The following XCR1 variants were observed in gnomAD, a reference collection of about 807,000 sequenced individuals.
XCR1 encodes the protein chemokine XC receptor 1.
For missense variants in XCR1, 356 were observed against 424.2 expected (o/e 0.84, Z 1.41); for synonymous variants, 187 against 188.5 (o/e 0.99, Z 0.06).
intron 5 of XCR1, among the ~76,000 whole-genome samples, chr3:46,052,412 G>A (rs1377871213): frequency 6.6e-6 from 1 of 152,184 alleles, no homozygotes; most frequent in African/African-American, 2.4e-5. Context: ...AATTTTGAGT[G>A]GCACTGATTA....
Position 46,054,867 on chromosome 3 carries a change from C to T in XCR1, c.-182-797G>A, listed in dbSNP as rs1182227280. ...TGGTTTGTGCTGGGAAGCATTGCCACCTGAATAAGAAGTGGTCCACAGACA... is the reference window on the plus strand; with the variant it reads ...TGGTTTGTGCTGGGAAGCATTGCCATCTGAATAAGAAGTGGTCCACAGACA... On this transcript the variant is annotated intron_variant, in intron 4 of 5. Transcript: ENST00000683768. 2.0e-5 allele frequency among the ~76,000 whole-genome samples: 3 copies of T among 152,136 alleles called. No homozygotes were observed. The East Asian group carries it at 5.8e-4, about 29-fold the overall frequency.
At chr3:46,036,140 G>A (rs1201835799) in intron 5 of XCR1, among the ~76,000 whole-genome samples, 3 of 152,214 alleles carry the variant, frequency 2.0e-5, no homozygotes, top group Admixed American at 6.5e-5. Flanking sequence ...ATCGGAGTTT[G>A]CTGTTGAATG....
At chr3:46,069,620 GTATGT>G (rs1384600364) in intron 3 of XCR1, among the ~76,000 whole-genome samples, 1 of 152,056 alleles carries the variant, frequency 6.6e-6, no homozygotes, top group East Asian at 1.9e-4. Context: ...TACATATTTT[GTATGT>G]TATATGTATT....
chr3:46,056,105 A>G (rs6773520), intron 4 of XCR1, among the ~76,000 whole-genome samples: 6 of 152,162 alleles, frequency 3.9e-5, no homozygotes, highest in Admixed American at 3.9e-4. Context: ...GCTGGCTGGG[A>G]CTGTCTTCCT....
At chr3:46,038,209 G>A (rs1038962174) in intron 5 of XCR1, among the ~76,000 whole-genome samples, 16 of 151,830 alleles carry the variant, frequency 1.1e-4, no homozygotes, top group African/African-American at 3.9e-4. Context: ...TGAGAGGTGG[G>A]GTTTCACTAT....
At chr3:46,064,225 A>C (rs928069362) in intron 4 of XCR1, among the ~76,000 whole-genome samples, 8 of 152,174 alleles carry the variant, frequency 5.3e-5, no homozygotes, top group African/African-American at 1.9e-4. Context: ...GACTGAACAC[A>C]TATCATGTGC....
chr3:46,035,534 A>T lies in XCR1; in HGVS notation c.-31-13556T>A, dbSNP rs142460378. Among the ~76,000 whole-genome samples the T allele has an allele frequency of 7.8e-3, 1,188 of 152,298 alleles. 15 individuals are homozygous for T. Among genetic ancestry groups the T allele is most frequent in the African/African-American group, 0.027 (1,137 of 41,564 alleles). On this transcript the variant is annotated intron_variant, in intron 5 of 5. Coordinates refer to the XCR1 transcript ENST00000683768. Reference sequence around the variant, plus strand: ...GCTCATTGCTCAGCTGCCATGGGCCAGGAGTCTCAAAAGCCCTCCTAAGCA... The same window carrying T: ...GCTCATTGCTCAGCTGCCATGGGCCTGGAGTCTCAAAAGCCCTCCTAAGCA...
At chr3:46,045,325 C>T (rs1469987022) in intron 5 of XCR1, among the ~76,000 whole-genome samples, 1 of 151,724 alleles carries the variant, frequency 6.6e-6, no homozygotes, top group Non-Finnish European at 1.5e-5. Flanking sequence ...CAGAGAATTG[C>T]TTGAACTCAG....
At chr3:46,054,662 G>A (rs889278754) in intron 4 of XCR1, among the ~76,000 whole-genome samples, 4 of 152,152 alleles carry the variant, frequency 2.6e-5, no homozygotes, top group African/African-American at 9.7e-5. Flanking sequence ...TACCAAGGAA[G>A]AAAGCTTTAA....
At chr3:46,073,384 C>A (rs1389493469) in intron 3 of XCR1, among the ~76,000 whole-genome samples, 1 of 152,150 alleles carries the variant, frequency 6.6e-6, no homozygotes, top group Admixed American at 6.5e-5. Context: ...CACTTGAGGC[C>A]TGGAGTTCCA....
intron 5 of XCR1, among the ~76,000 whole-genome samples, chr3:46,040,408 C>T (rs1697520336): frequency 6.6e-6 from 1 of 151,880 alleles, no homozygotes; most frequent in Admixed American, 6.6e-5. Context: ...TGTTAAATTC[C>T]CTGAAGTCCA....
At chr3:46,053,339 C>T (rs1697784486) in intron 5 of XCR1, among the ~76,000 whole-genome samples, 1 of 144,976 alleles carries the variant, frequency 6.9e-6, no homozygotes, top group Non-Finnish European at 1.5e-5. Context: ...AGCACGAGGT[C>T]CTAAGGGCTC....
intron 1 of XCR1, among the ~76,000 whole-genome samples, chr3:46,085,001 A>T (rs1698447821): frequency 6.6e-6 from 1 of 151,918 alleles, no homozygotes; most frequent in Non-Finnish European, 1.5e-5. Context: ...TGGATGGAGT[A>T]CTCCCCAAGG....
intron 4 of XCR1, among the ~76,000 whole-genome samples, chr3:46,055,871 G>C (rs561219377): frequency 2.0e-5 from 3 of 152,202 alleles, no homozygotes; most frequent in Admixed American, 2.0e-4. Context: ...ATGAAGAAGA[G>C]ACAATCAATA....
chr3:46,053,035 G>A (rs1006672846), intron 5 of XCR1, among the ~76,000 whole-genome samples: 7 of 152,158 alleles, frequency 4.6e-5, no homozygotes, highest in African/African-American at 1.2e-4. Flanking sequence ...TAATGTCTCC[G>A]TTTCCAGCAG....
intron 5 of XCR1, among the ~76,000 whole-genome samples, chr3:46,053,569 T>C (rs1697791855): frequency 6.6e-6 from 1 of 152,124 alleles, no homozygotes. Flanking sequence ...AATAAGGAGA[T>C]AATGGCAGAA....
At chr3:46,051,385 A>G (rs1697740237) in intron 5 of XCR1, among the ~76,000 whole-genome samples, 1 of 152,244 alleles carries the variant, frequency 6.6e-6, no homozygotes, top group African/African-American at 2.4e-5. Flanking sequence ...AAGACAAGGT[A>G]AAATCTCAGC....
At chr3:46,052,868 G>A (rs1336695430) in intron 5 of XCR1, among the ~76,000 whole-genome samples, 8 of 152,196 alleles carry the variant, frequency 5.3e-5, no homozygotes, top group Non-Finnish European at 1.2e-4. Flanking sequence ...CGACCCTTGC[G>A]TGATATGTAA....
At chr3:46,078,109 C>T (rs577640741) in intron 1 of XCR1, among the ~76,000 whole-genome samples, 1 of 152,292 alleles carries the variant, frequency 6.6e-6, no homozygotes, top group South Asian at 2.1e-4. Flanking sequence ...TTTTAAAAAG[C>T]CTGCTCGCAA....
Sources: allele counts gnomAD v4.1 joint callset (sites outside exome capture counted in the v4.1 genomes callset), GRCh38; gene constraint gnomAD v4.1.1; transcripts MANE v1.5; gene names NCBI Gene and HGNC (gene_info 2026-07-23, HGNC 2026-07-21).